Variants in TFCP2 observed in about 807,000 individuals in gnomAD.
TFCP2 encodes the protein transcription factor CP2, also known as alpha-globin transcription factor CP2.
In TFCP2, 33 loss-of-function variants were observed where a neutral mutation model predicts 73.4. The observed-to-expected ratio is 0.45, with a 90% CI of 0.34 to 0.60. The LOEUF (loss-of-function observed/expected upper bound fraction) is 0.60. Ranked by LOEUF, TFCP2 falls within the 20% of genes least tolerant of loss-of-function variation. TFCP2 has a pLI of 0.01. For synonymous variants in TFCP2, 193 were observed against 211.6 expected (o/e 0.91, Z 0.76); for missense variants, 352 against 604.0 (o/e 0.58, Z 4.37).
chr12:51,172,468 G>A lies in TFCP2; in HGVS notation c.-46C>T. ...AGGAGACACCGTGTCTTGTACAAAG[G>A]CGCGGAGGGTAATTCTACCCAACAG... On this transcript the variant is annotated 5_prime_UTR_variant, in exon 1 of 15. Transcript: ENST00000257915. 1 of 1,610,622 alleles carries A rather than the reference G, an allele frequency of 6.2e-7. No individual in the cohort carries two copies.
chr12:51,110,585 G>A (rs982182743), intron 5 of TFCP2, among the ~76,000 whole-genome samples: 5 of 152,080 alleles, frequency 3.3e-5, no homozygotes, highest in African/African-American at 4.8e-5. Context: ...AAAAAATTAT[G>A]CCAATCTAAC....
At chr12:51,143,243 T>A (rs1363422442) in intron 1 of TFCP2, among the ~76,000 whole-genome samples, 1 of 151,854 alleles carries the variant, frequency 6.6e-6, no homozygotes, top group Non-Finnish European at 1.5e-5. Context: ...GCCTTTTGGA[T>A]GTCTCTCAGA....
chr12:51,098,837 C>G lies in TFCP2; in HGVS notation c.1358G>C (p.Cys453Ser). The G allele has an allele frequency of 6.2e-7, 1 of 1,614,066 alleles. No homozygotes were observed. Among genetic ancestry groups the G allele is most frequent in the Non-Finnish European group, 8.5e-7 (1 of 1,180,022 alleles). The change falls in exon 13 of 15, where the codon TGC (cysteine) becomes TCC (serine). Residue 453 changes from cysteine to serine, a missense_variant. By Grantham distance (112) the Cys-to-Ser change is moderately radical. Coordinates refer to ENST00000257915, the MANE Select transcript of TFCP2 (RefSeq NM_005653.5). ...CTGCTTGTAAATCTGGCTGATCTGG[C>G]AAGGGGAAATGCTGAAAAGCTGAGC... ...KIAQLFSISP[C>S]QISQIYKQGP...
At chr12:51,167,930 G>A (rs749189284) in intron 1 of TFCP2, among the ~76,000 whole-genome samples, 4 of 152,006 alleles carry the variant, frequency 2.6e-5, no homozygotes, top group Non-Finnish European at 2.9e-5. Context: ...GTGTGGTGGT[G>A]TGACCCTGTA....
At chr12:51,095,813 C>CAA (rs34105291) in intron 14 of TFCP2, among the ~76,000 whole-genome samples, 176 bp downstream of exon 14, 2,054 of 82,900 alleles carry the variant, frequency 0.025, 55 homozygotes, top group Non-Finnish European at 0.032. Flanking sequence ...GACTCTGTTT[C>CAA]AAAAAAAAAA....
chr12:51,114,295 ATT>A (rs1940466092), intron 4 of TFCP2, among the ~76,000 whole-genome samples: 1 of 152,180 alleles, frequency 6.6e-6, no homozygotes, highest in Non-Finnish European at 1.5e-5. Context: ...TTGAACAGAC[ATT>A]TCTCCAAAGA....
At chr12:51,126,074 A>C (rs1049848384) in intron 1 of TFCP2, among the ~76,000 whole-genome samples, 6 of 151,978 alleles carry the variant, frequency 3.9e-5, no homozygotes, top group Non-Finnish European at 5.9e-5. Context: ...ACTAAAAAAG[A>C]CAACAAAAAT....
In TFCP2 at chr12:51,095,060, CA is replaced by C; in HGVS notation, c.*180del. ...ATATTGGGCAGTAATCTGTGTGTAC[CA>C]CAAGAGCTTGGGCCAACACAGAGGG... On this transcript the variant is annotated 3_prime_UTR_variant, in exon 15 of 15. Coordinates refer to ENST00000257915, the MANE Select transcript of TFCP2 (RefSeq NM_005653.5). 1 of 694,314 alleles carries C rather than the reference CA, an allele frequency of 1.4e-6. No individual in the cohort carries two copies. Among genetic ancestry groups the C allele is most frequent in the Non-Finnish European group, 2.6e-6 (1 of 390,946 alleles). 43.0% of individuals were successfully genotyped at this position (694,314 alleles called of 1,614,324 possible).
chr12:51,133,084 G>A (rs146595191), intron 1 of TFCP2, among the ~76,000 whole-genome samples: 4 of 151,638 alleles, frequency 2.6e-5, no homozygotes, highest in African/African-American at 9.7e-5. Flanking sequence ...TAATAGTAAT[G>A]GTGAATATGC....
intron 1 of TFCP2, among the ~76,000 whole-genome samples, chr12:51,157,476 G>A (rs1212621027): frequency 2.0e-5 from 3 of 151,210 alleles, no homozygotes; most frequent in Non-Finnish European, 4.4e-5. Context: ...TTATTTTTTT[G>A]TATAGACAGG....
chr12:51,149,293 G>A (rs1010659440), intron 1 of TFCP2, among the ~76,000 whole-genome samples: 2 of 151,902 alleles, frequency 1.3e-5, no homozygotes, highest in Non-Finnish European at 2.9e-5. Context: ...AGAGGTGAGG[G>A]GTAAAAGACT....
intron 1 of TFCP2, among the ~76,000 whole-genome samples, chr12:51,171,667 C>T (rs575741134): frequency 1.3e-5 from 2 of 152,276 alleles, no homozygotes; most frequent in Admixed American, 6.5e-5. Context: ...CGTGAGCCAC[C>T]GCACCCGGCC....
chr12:51,117,560 G>C, intron 3 of TFCP2, 111 bp downstream of exon 3: 1 of 783,640 alleles, frequency 1.3e-6, no homozygotes. Context: ...GCAGGCAAGA[G>C]ATACCATTAA....
intron 1 of TFCP2, among the ~76,000 whole-genome samples, chr12:51,146,626 CA>C (rs1474842714): frequency 1.3e-5 from 2 of 152,138 alleles, no homozygotes; most frequent in Non-Finnish European, 2.9e-5. Context: ...TAGGAAGATA[CA>C]GCAAGCTCAT....
At chr12:51,170,538 G>A (rs1339229201) in intron 1 of TFCP2, among the ~76,000 whole-genome samples, 1 of 151,436 alleles carries the variant, frequency 6.6e-6, no homozygotes, top group African/African-American at 2.4e-5. Context: ...GTGGAGAGCG[G>A]GTCTTGAACT....
chr12:51,118,521 C>T, intron 2 of TFCP2, 100 bp downstream of exon 2: 3 of 1,442,404 alleles, frequency 2.1e-6, no homozygotes, highest in Admixed American at 3.9e-5. Context: ...CGCCACTACA[C>T]TCCAGCCTGG....
chr12:51,114,801 C>T lies in TFCP2; in HGVS notation c.457+1514G>A, dbSNP rs7955490. 2.4e-3 allele frequency among the ~76,000 whole-genome samples: 364 copies of T among 151,884 alleles called. 1 individual carries two copies. The highest frequency in any genetic ancestry group is 8.2e-3 in the African/African-American group (339 of 41,438). On this transcript the variant is annotated intron_variant, in intron 4 of 14. Transcript: ENST00000257915. ...GCAACAGGCCAGGTGTGGTGGCTCA[C>T]GCTTGTAATCCCAGCACTTTGGGAG...
intron 1 of TFCP2, among the ~76,000 whole-genome samples, chr12:51,139,759 T>A (rs1941146522): frequency 1.4e-5 from 1 of 69,252 alleles, no homozygotes; most frequent in Non-Finnish European, 3.5e-5. Context: ...CCTGCTCTCT[T>A]CTACCTCAAC....
chr12:51,150,467 C>T (rs868312029), intron 1 of TFCP2, among the ~76,000 whole-genome samples: 2 of 151,926 alleles, frequency 1.3e-5, no homozygotes, highest in Non-Finnish European at 2.9e-5. Flanking sequence ...ATTAAAAATT[C>T]TTTTTAATTT....
Sources: allele counts gnomAD v4.1 joint callset (sites outside exome capture counted in the v4.1 genomes callset), GRCh38; gene constraint gnomAD v4.1.1; transcripts MANE v1.5; gene names NCBI Gene and HGNC (gene_info 2026-07-23, HGNC 2026-07-21).